Variants in TNMD observed in about 807,000 individuals in gnomAD.
The protein encoded by TNMD is BRICHOS domain containing 4.
Under a neutral mutation model 26.9 loss-of-function variants are expected in TNMD, and 15 were observed. The observed-to-expected ratio is 0.56, with a 90% CI of 0.37 to 0.86. TNMD has a LOEUF of 0.86. Ranked by LOEUF, TNMD falls within the 40% of genes least tolerant of loss-of-function variation. The probability of loss-of-function intolerance (pLI) is 0.00; values close to 1 mark genes in which losing one functional copy is unlikely to be tolerated. For synonymous variants in TNMD, 73 were observed against 77.0 expected (o/e 0.95, Z 0.27); for missense variants, 222 against 242.6 (o/e 0.92, Z 0.56).
At chrX:100,585,448 G>C in intron 2 of TNMD, 86 bp downstream of exon 2, 1 of 954,878 alleles carries the variant, frequency 1.0e-6, no homozygotes. Context: ...TTCTGAAAAT[G>C]AAAATCATTA....
At chrX:100,585,557 T>C (rs1413596041) in intron 2 of TNMD, among the ~76,000 whole-genome samples, 195 bp downstream of exon 2, 1 of 111,684 alleles carries the variant, frequency 9.0e-6, no homozygotes, top group Non-Finnish European at 1.9e-5. Flanking sequence ...AAAAAATTTA[T>C]CTTCTATATT....
chrX:100,587,815 A>C (rs927766361), intron 2 of TNMD, among the ~76,000 whole-genome samples: 9 of 111,900 alleles, frequency 8.0e-5, no homozygotes, highest in Non-Finnish European at 1.5e-4. Context: ...TTGCATAGGA[A>C]AGGGACACAG....
At chrX:100,587,918 A>T (rs1464547398) in intron 2 of TNMD, among the ~76,000 whole-genome samples, 1 of 111,388 alleles carries the variant, frequency 9.0e-6, no homozygotes, top group African/African-American at 3.3e-5. Context: ...GGCTTTCCTT[A>T]ACAAATCTAT....
chrX:100,598,537 A>G (rs1291883812), intron 5 of TNMD, among the ~76,000 whole-genome samples: 1 of 112,013 alleles, frequency 8.9e-6, no homozygotes, highest in Non-Finnish European at 1.9e-5. Flanking sequence ...CCGGGTGAAG[A>G]ATATGTGAAC....
chrX:100,598,533 G>A (rs771605169), intron 5 of TNMD, among the ~76,000 whole-genome samples: 1 of 111,895 alleles, frequency 8.9e-6, no homozygotes, highest in African/African-American at 3.2e-5. Flanking sequence ...GAAACCGGGT[G>A]AAGAATATGT....
At position 100,594,248 on chromosome X, in the gene TNMD, G is replaced by T. The variant is rs990133762; in HGVS notation, c.322-13G>T. On this transcript the variant is annotated splice_polypyrimidine_tract_variant and intron_variant, in intron 3 of 6. Transcript: ENST00000373031. ...TTTTGGGAAGCTTTATTGTTGTTTT[G>T]TCTGTTTTATAGGGATACACTGGCA... 1 of 1,142,711 alleles carries T rather than the reference G, an allele frequency of 8.8e-7. No homozygotes were observed. The highest frequency in any genetic ancestry group is 1.8e-5 in the African/African-American group (1 of 54,690). The allele number at this position is 1,142,711 out of a possible 1,213,427, so 94.2% of individuals were successfully genotyped here.
chrX:100,590,837 T>G (rs1412216014), intron 2 of TNMD, among the ~76,000 whole-genome samples: 1 of 112,061 alleles, frequency 8.9e-6, no homozygotes, highest in Non-Finnish European at 1.9e-5. Context: ...CCTATTAGAT[T>G]GGTGCAAAAG....
chrX:100,586,565 C>A (rs898223442), intron 2 of TNMD, among the ~76,000 whole-genome samples: 1 of 111,803 alleles, frequency 8.9e-6, no homozygotes, highest in African/African-American at 3.3e-5. Flanking sequence ...CTGTCATACC[C>A]ACTTTCATTT....
At chrX:100,588,305 G>GACACACACAC (rs772320493) in intron 2 of TNMD, among the ~76,000 whole-genome samples, 2 of 106,651 alleles carry the variant, frequency 1.9e-5, no homozygotes, top group African/African-American at 6.8e-5. Context: ...CACACACACA[G>GACACACACAC]ACACACACAC....
chrX:100,585,813 C>A (rs1460076909), intron 2 of TNMD, among the ~76,000 whole-genome samples: 3 of 112,840 alleles, frequency 2.7e-5, no homozygotes, highest in Non-Finnish European at 5.6e-5. Context: ...GCAGTGAGAA[C>A]AGGCAGCAAG....
chrX:100,592,744 C>T (rs1166424416), intron 2 of TNMD, among the ~76,000 whole-genome samples: 1 of 112,313 alleles, frequency 8.9e-6, no homozygotes, highest in African/African-American at 3.2e-5. Flanking sequence ...TCAGCAGAGA[C>T]TAAAAAATGA....
At position 100,599,372 on chromosome X, in the gene TNMD, C is replaced by G. The variant is rs1342981860; in HGVS notation, c.745-136C>G. On this transcript the variant is annotated intron_variant, in intron 6 of 6. Transcript: ENST00000373031. ...AATCTCGATCTCTGTAGATATATCTCCATGATCAGGCTAAGGAGCTTAATT... is the reference window on the plus strand; with the variant it reads ...AATCTCGATCTCTGTAGATATATCTGCATGATCAGGCTAAGGAGCTTAATT... The G allele has an allele frequency of 3.0e-5, 19 of 637,351 alleles. No homozygotes were observed. The East Asian group carries it at 6.8e-4, about 23-fold the overall frequency. 52.5% of individuals were successfully genotyped at this position (637,351 alleles called of 1,213,427 possible).
At chrX:100,589,779 G>A (rs1165459380) in intron 2 of TNMD, among the ~76,000 whole-genome samples, 1 of 111,244 alleles carries the variant, frequency 9.0e-6, no homozygotes, top group Non-Finnish European at 1.9e-5. Flanking sequence ...CAGATGAAAA[G>A]GGGTAAAGGA....
At chrX:100,593,861 G>GT in intron 2 of TNMD, 34 bp from the exon 3 acceptor site, 1 of 1,202,870 alleles carries the variant, frequency 8.3e-7, no homozygotes, top group Non-Finnish European at 1.1e-6. Flanking sequence ...GACACACTGA[G>GT]TATCTTAGAG....
intron 4 of TNMD, among the ~76,000 whole-genome samples, chrX:100,595,171 T>A (rs2082949168): frequency 8.9e-6 from 1 of 112,125 alleles, no homozygotes; most frequent in Non-Finnish European, 1.9e-5. Context: ...TGACAGCATA[T>A]CCCCACTATA....
intron 4 of TNMD, among the ~76,000 whole-genome samples, chrX:100,594,964 A>T (rs1377095304): frequency 8.9e-6 from 1 of 112,063 alleles, no homozygotes; most frequent in African/African-American, 3.2e-5. Context: ...CTGCTAGACC[A>T]AAGTAAGGCA....
At chrX:100,585,097 G>A (rs771947367) in intron 1 of TNMD, 31 bp downstream of exon 1, 3 of 1,193,878 alleles carry the variant, frequency 2.5e-6, no homozygotes, top group South Asian at 3.6e-5. Flanking sequence ...TCCCTTTTGA[G>A]CAGAAGCATG....
chrX:100,586,865 A>G (rs1008543876), intron 2 of TNMD, among the ~76,000 whole-genome samples: 4 of 111,797 alleles, frequency 3.6e-5, no homozygotes, highest in African/African-American at 9.8e-5. Context: ...ATGCATTCCA[A>G]TACAATTCTG....
At chrX:100,591,592 G>A (rs1196518734) in intron 2 of TNMD, among the ~76,000 whole-genome samples, 1 of 111,428 alleles carries the variant, frequency 9.0e-6, no homozygotes, top group Non-Finnish European at 1.9e-5. Context: ...CTTCCTAGAC[G>A]AAGAACAGTC....
Sources: allele counts gnomAD v4.1 joint callset (sites outside exome capture counted in the v4.1 genomes callset), GRCh38; gene constraint gnomAD v4.1.1; transcripts MANE v1.5; gene names NCBI Gene and HGNC (gene_info 2026-07-23, HGNC 2026-07-21).